MAP7: variants seen among roughly 807,000 people sequenced by gnomAD.
MAP7 encodes the protein microtubule associated protein 7.
In MAP7, 52 loss-of-function variants were observed where a neutral mutation model predicts 94.8. The ratio of observed to expected loss-of-function variants is 0.55; its 90% confidence interval spans 0.44 to 0.69. The LOEUF (loss-of-function observed/expected upper bound fraction) is 0.69. MAP7 is among the 30% of genes least tolerant of loss of function. The probability of loss-of-function intolerance (pLI) is 0.00; values close to 1 mark genes in which losing one functional copy is unlikely to be tolerated. For missense variants in MAP7, 940 were observed against 964.6 expected (o/e 0.97, Z 0.34); for synonymous variants, 350 against 357.0 (o/e 0.98, Z 0.22).
intron 12 of MAP7, 49 bp downstream of exon 12, chr6:136,360,956 C>T (rs745936081): frequency 9.1e-6 from 14 of 1,544,238 alleles, no homozygotes; most frequent in East Asian, 2.3e-5. Context: ...TGGGCTGGGG[C>T]GTCTCCCTGC....
intron 1 of MAP7, among the ~76,000 whole-genome samples, chr6:136,480,625 G>C (rs1812476184): frequency 8.9e-6 from 1 of 112,778 alleles, no homozygotes; most frequent in Non-Finnish European, 1.7e-5. Flanking sequence ...CTGGGTGACA[G>C]AGTGAGACTC....
chr6:136,394,760 G>A (rs932765598), intron 3 of MAP7, among the ~76,000 whole-genome samples: 6 of 150,222 alleles, frequency 4.0e-5, no homozygotes, highest in Admixed American at 6.7e-5. Flanking sequence ...AGCACCACTC[G>A]ACTCACTACC....
At position 136,383,004 on chromosome 6, in the gene MAP7, C is replaced by T. The variant is rs191132811; in HGVS notation, c.637+667G>A. 3.3e-5 allele frequency among the ~76,000 whole-genome samples: 5 copies of T among 152,202 alleles called. No homozygotes were observed. The East Asian group carries it at 9.6e-4, about 29-fold the overall frequency. On this transcript the variant is annotated intron_variant, in intron 6 of 17. Coordinates refer to ENST00000354570, the MANE Select transcript of MAP7 (RefSeq NM_003980.6). ...AACAAAACTTTTGCTTTATAAATAACTCAACATTCATGTACTGTAAATCCA... is the reference window on the plus strand; with the variant it reads ...AACAAAACTTTTGCTTTATAAATAATTCAACATTCATGTACTGTAAATCCA...
At chr6:136,534,656 G>A (rs1321469904) in intron 1 of MAP7, among the ~76,000 whole-genome samples, 1 of 152,182 alleles carries the variant, frequency 6.6e-6, no homozygotes, top group East Asian at 1.9e-4. Flanking sequence ...TTCCAATACT[G>A]TAATGCTCTA....
intron 6 of MAP7, among the ~76,000 whole-genome samples, chr6:136,382,966 A>G (rs1778203813): frequency 6.6e-6 from 1 of 152,232 alleles, no homozygotes; most frequent in Admixed American, 6.5e-5. Flanking sequence ...TTTTCATTCT[A>G]TGATCTATGT....
At chr6:136,536,665 G>A (rs1035068902) in intron 1 of MAP7, among the ~76,000 whole-genome samples, 1 of 152,176 alleles carries the variant, frequency 6.6e-6, no homozygotes, top group African/African-American at 2.4e-5. Context: ...TTGCCCCTAA[G>A]TTCCTGAAAT....
At chr6:136,508,235 G>A (rs1822173734) in intron 1 of MAP7, among the ~76,000 whole-genome samples, 1 of 152,058 alleles carries the variant, frequency 6.6e-6, no homozygotes, top group African/African-American at 2.4e-5. Flanking sequence ...TGAGGTGGGA[G>A]GATCGCTTGA....
At chr6:136,536,165 T>C (rs1828870376) in intron 1 of MAP7, among the ~76,000 whole-genome samples, 1 of 152,204 alleles carries the variant, frequency 6.6e-6, no homozygotes, top group Admixed American at 6.5e-5. Context: ...TCCTAATGCA[T>C]CAATAATTTT....
At chr6:136,420,651 T>A (rs1318679929) in intron 2 of MAP7, among the ~76,000 whole-genome samples, 2 of 152,200 alleles carry the variant, frequency 1.3e-5, no homozygotes, top group Non-Finnish European at 2.9e-5. Context: ...AAAAGGCAGG[T>A]TGACTGACTA....
chr6:136,361,099 G>A lies in MAP7; in HGVS notation c.1607C>T (p.Ala536Val). 1 of 1,605,146 alleles carries A rather than the reference G, an allele frequency of 6.2e-7. No individual in the cohort carries two copies. ...RREEESRRLE[A>V]EQAREKEEQL... ...CTCCTCCTTCTCCCGGGCCTGCTCG[G>A]CTTCCAGCCTGCGCGACTCCTCCTC... is the stretch of plus-strand genomic sequence containing the variant. The change falls in exon 12 of 18, where the codon GCC (alanine) becomes GTC (valine). Residue 536 changes from alanine (A) to valine (V), a missense_variant. Ala to Val is a moderately conservative substitution (Grantham distance 64). Coordinates refer to ENST00000354570, the MANE Select transcript of MAP7 (RefSeq NM_003980.6).
intron 1 of MAP7, chr6:136,526,610 G>C: frequency 1.0e-6 from 1 of 985,516 alleles, no homozygotes; most frequent in Non-Finnish European, 1.2e-6. Context: ...GGGTTACAGC[G>C]TGAGGCCGCT....
chr6:136,441,768 A>G (rs1407373561), intron 1 of MAP7, among the ~76,000 whole-genome samples: 1 of 152,108 alleles, frequency 6.6e-6, no homozygotes, highest in Admixed American at 6.5e-5. Context: ...TAATCCCAAC[A>G]CTTTGGAAGG....
chr6:136,472,077 G>C (rs1035101494), intron 1 of MAP7, among the ~76,000 whole-genome samples: 3 of 152,160 alleles, frequency 2.0e-5, no homozygotes, highest in African/African-American at 7.2e-5. Context: ...TTGCTAGCAA[G>C]AGTCAATTGA....
Position 136,388,444 on chromosome 6 carries a change from G to A in MAP7, c.475C>T (p.Arg159Cys), listed in dbSNP as rs936715372. 7.4e-6 allele frequency: 12 copies of A among 1,614,000 alleles called. No individual in the cohort carries two copies. Among genetic ancestry groups the A allele is most frequent in the African/African-American group, 1.3e-5 (1 of 74,904 alleles). ...RSQKPKQKHN[R>C]WSWGGSLHGS... Reference sequence around the variant, plus strand: ...TGGAGAGAGCCTCCCCACGACCAACGGTTATGCTTCTGTTTTGGCTTCTGG... The same window carrying A: ...TGGAGAGAGCCTCCCCACGACCAACAGTTATGCTTCTGTTTTGGCTTCTGG... Residue 159 changes from arginine to cysteine, a missense_variant, in exon 5 of 18, where the codon CGT becomes TGT. Arg to Cys is a radical substitution (Grantham distance 180, BLOSUM62 -3). Coordinates refer to ENST00000354570, the MANE Select transcript of MAP7 (RefSeq NM_003980.6).
At chr6:136,375,289 G>A (rs1168707816) in intron 7 of MAP7, among the ~76,000 whole-genome samples, 1 of 151,940 alleles carries the variant, frequency 6.6e-6, no homozygotes, top group African/African-American at 2.4e-5. Flanking sequence ...AATGTCCCGG[G>A]GAAAAAAAGT....
At chr6:136,430,083 T>C (rs1010616291) in intron 1 of MAP7, among the ~76,000 whole-genome samples, 12 of 152,236 alleles carry the variant, frequency 7.9e-5, no homozygotes, top group Non-Finnish European at 1.5e-5. Flanking sequence ...AGACTGTAGT[T>C]ATCCATCTAT....
At chr6:136,396,809 T>C (rs116428409) in intron 3 of MAP7, among the ~76,000 whole-genome samples, 122 of 152,322 alleles carry the variant, frequency 8.0e-4, no homozygotes, top group African/African-American at 2.8e-3. Context: ...TAATTACACA[T>C]AATATGGTTA....
intron 1 of MAP7, among the ~76,000 whole-genome samples, chr6:136,454,902 A>C (rs1802405691): frequency 1.3e-5 from 2 of 152,064 alleles, no homozygotes; most frequent in South Asian, 4.1e-4. Context: ...CTGTCTAAAA[A>C]ATCAAAATAA....
chr6:136,373,914 A>G (rs1171147231), intron 7 of MAP7, among the ~76,000 whole-genome samples: 1 of 152,188 alleles, frequency 6.6e-6, no homozygotes, highest in Middle Eastern at 3.2e-3. Flanking sequence ...ATCTTTATTA[A>G]TGCACTCTTT....
Sources: gnomAD v4.1 joint callset for allele counts (sites outside exome capture counted in the v4.1 genomes callset) on GRCh38, gnomAD v4.1.1 for gene constraint, MANE v1.5 for transcripts, NCBI Gene and HGNC (gene_info 2026-07-23, HGNC 2026-07-21) for gene names.